CADM2: variants seen among roughly 807,000 people sequenced by gnomAD.
The protein encoded by CADM2 is immunoglobulin superfamily member 4D.
Under a neutral mutation model 49.8 loss-of-function variants are expected in CADM2, and 12 were observed. The observed-to-expected ratio is 0.24, with a 90% CI of 0.15 to 0.39. The LOEUF is 0.39. Among genes scored for constraint, CADM2 ranks in the 10% least tolerant of loss-of-function variants. The pLI is 1.00. For missense variants in CADM2, 378 were observed against 492.3 expected (o/e 0.77, Z 2.20); for synonymous variants, 214 against 175.4 (o/e 1.22, Z -1.74).
intron 1 of CADM2, among the ~76,000 whole-genome samples, chr3:85,538,337 T>C (rs1410313316): frequency 6.6e-6 from 1 of 152,062 alleles, no homozygotes; most frequent in Non-Finnish European, 1.5e-5. Context: ...AACAGCTCTG[T>C]GAAGTGAGAT....
At chr3:85,230,699 T>A (rs1340906262) in intron 1 of CADM2, among the ~76,000 whole-genome samples, 1 of 152,218 alleles carries the variant, frequency 6.6e-6, no homozygotes, top group Non-Finnish European at 1.5e-5. Flanking sequence ...AGATACTGCT[T>A]GTATAAGGAA....
At chr3:85,812,921 T>A (rs2072971648) in intron 3 of CADM2, among the ~76,000 whole-genome samples, 1 of 152,206 alleles carries the variant, frequency 6.6e-6, no homozygotes, top group South Asian at 2.1e-4. Flanking sequence ...GGTGTATATG[T>A]ACCACATTTT....
chr3:85,159,921 T>C (rs2040262036), intron 1 of CADM2, among the ~76,000 whole-genome samples: 1 of 152,174 alleles, frequency 6.6e-6, no homozygotes, highest in African/African-American at 2.4e-5. Context: ...CTTTTCATAT[T>C]TGGCAAATTC....
chr3:85,825,814 A>T (rs1042081304), intron 3 of CADM2, among the ~76,000 whole-genome samples: 2 of 152,020 alleles, frequency 1.3e-5, no homozygotes, highest in African/African-American at 4.8e-5. Flanking sequence ...TGGATGAATT[A>T]TATATTGGTG....
chr3:85,062,656 T>C (rs182601661), intron 1 of CADM2, among the ~76,000 whole-genome samples: 1 of 151,906 alleles, frequency 6.6e-6, no homozygotes, highest in East Asian at 1.9e-4. Flanking sequence ...GTGGAATACA[T>C]TAATGTAATA....
intron 1 of CADM2, among the ~76,000 whole-genome samples, chr3:85,704,601 A>C (rs2066880286): frequency 6.6e-6 from 1 of 152,106 alleles, no homozygotes; most frequent in African/African-American, 2.4e-5. Flanking sequence ...GCTCTACCTC[A>C]TAACCTAATG....
intron 5 of CADM2, among the ~76,000 whole-genome samples, chr3:85,893,517 G>A (rs894997134): frequency 2.0e-5 from 3 of 152,138 alleles, no homozygotes; most frequent in Middle Eastern, 3.2e-3. Flanking sequence ...AAACTAAAGA[G>A]CTTCTGCACA....
chr3:85,365,182 GTT>G (rs757075256), intron 1 of CADM2, among the ~76,000 whole-genome samples: 9 of 100,568 alleles, frequency 8.9e-5, no homozygotes, highest in East Asian at 3.6e-4. Flanking sequence ...AATTGGGAGG[GTT>G]TTTTTTTTTT....
intron 1 of CADM2, 58 bp downstream of exon 1, chr3:84,959,726 A>G: frequency 7.0e-7 from 1 of 1,427,654 alleles, no homozygotes; most frequent in Non-Finnish European, 9.5e-7. Flanking sequence ...CATCTTCCCC[A>G]TTCCACCCCA....
chr3:86,039,516 G>A (rs1467225335), intron 8 of CADM2, among the ~76,000 whole-genome samples: 1 of 152,174 alleles, frequency 6.6e-6, no homozygotes, highest in Non-Finnish European at 1.5e-5. Context: ...CAAACTGCAA[G>A]GTGGCAGCGA....
intron 6 of CADM2, among the ~76,000 whole-genome samples, chr3:85,925,851 A>C (rs1206073041): frequency 1.3e-5 from 2 of 151,988 alleles, no homozygotes; most frequent in African/African-American, 2.4e-5. Flanking sequence ...AATATAAAGA[A>C]AATAGGCCGG....
intron 1 of CADM2, among the ~76,000 whole-genome samples, chr3:85,612,485 G>T (rs2063704207): frequency 6.6e-6 from 1 of 151,524 alleles, no homozygotes; most frequent in South Asian, 2.1e-4. Context: ...ATTTGAACAG[G>T]GATGCTCCAA....
At chr3:85,610,274 G>C (rs899836806) in intron 1 of CADM2, among the ~76,000 whole-genome samples, 3 of 151,808 alleles carry the variant, frequency 2.0e-5, no homozygotes, top group African/African-American at 7.3e-5. Context: ...GTAACTATTT[G>C]AATTCAAAGT....
In CADM2 at chr3:85,987,029, C is replaced by T. The variant is rs576543239; in HGVS notation, c.970+25382C>T. Among the ~76,000 whole-genome samples the T allele has an allele frequency of 3.3e-5, 5 of 152,152 alleles. No homozygotes were observed. In the South Asian group the frequency reaches 1.0e-3, roughly 32 times the overall value. ...GGTCTATTAGAATCAACATATATAA[C>T]ATATCATTGGTTATATATAACCATT... is the stretch of plus-strand genomic sequence containing the variant. On this transcript the variant is annotated intron_variant, in intron 8 of 9. Transcript: ENST00000383699.
chr3:85,741,976 C>A (rs752068032), intron 2 of CADM2, among the ~76,000 whole-genome samples: 1 of 152,058 alleles, frequency 6.6e-6, no homozygotes, highest in Non-Finnish European at 1.5e-5. Flanking sequence ...AACTTCTAGA[C>A]GGATATAAGT....
chr3:85,380,705 A>G (rs1476044623), intron 1 of CADM2, among the ~76,000 whole-genome samples: 1 of 151,930 alleles, frequency 6.6e-6, no homozygotes, highest in African/African-American at 2.4e-5. Flanking sequence ...AATTAAGTGT[A>G]GATATTTGTG....
chr3:85,252,539 A>T lies in CADM2; in HGVS notation c.61+292871A>T, dbSNP rs143765609. ...AGGCACTAATGACTTTAATCAAAAT[A>T]CATTAACACCTGCATGGTGCATACT... is the stretch of plus-strand genomic sequence containing the variant. On this transcript the variant is annotated intron_variant, in intron 1 of 9. Transcript: ENST00000383699. Among the ~76,000 whole-genome samples, 205 of 152,152 alleles carry T rather than the reference A, an allele frequency of 1.3e-3. 3 individuals are homozygous for T. In the East Asian group the frequency reaches 0.032, roughly 24 times the overall value.
intron 2 of CADM2, among the ~76,000 whole-genome samples, chr3:85,795,113 A>C (rs2071545939): frequency 6.6e-6 from 1 of 152,124 alleles, no homozygotes; most frequent in Non-Finnish European, 1.5e-5. Flanking sequence ...GAACATTAAA[A>C]ATCTATTATT....
chr3:85,307,597 A>T (rs2044244924), intron 1 of CADM2, among the ~76,000 whole-genome samples: 2 of 151,922 alleles, frequency 1.3e-5, no homozygotes, highest in African/African-American at 4.8e-5. Context: ...CAAGGTCTCA[A>T]ACATGCTTCT....
Sources: allele counts gnomAD v4.1 joint callset (sites outside exome capture counted in the v4.1 genomes callset), GRCh38; gene constraint gnomAD v4.1.1; transcripts MANE v1.5; gene names NCBI Gene and HGNC (gene_info 2026-07-23, HGNC 2026-07-21).